The following MEDAG variants were observed in gnomAD, a reference collection of about 807,000 sequenced individuals.
The protein encoded by MEDAG is mesenteric estrogen dependent adipogenesis.
MEDAG carries 25 observed loss-of-function variants against 29.9 expected under a neutral mutation model. The observed-to-expected ratio is 0.84, with a 90% CI of 0.61 to 1.17. MEDAG has a LOEUF of 1.17. MEDAG is among the 50% of genes most tolerant of loss of function. The probability of loss-of-function intolerance (pLI) is 0.00; values close to 1 mark genes in which losing one functional copy is unlikely to be tolerated. For missense variants in MEDAG, 398 were observed against 372.9 expected (o/e 1.07, Z -0.56); for synonymous variants, 158 against 148.2 (o/e 1.07, Z -0.48).
At chr13:30,920,985 G>T in intron 2 of MEDAG, 29 bp from the exon 3 acceptor site, 1 of 1,578,398 alleles carries the variant, frequency 6.3e-7, no homozygotes, top group Non-Finnish European at 8.7e-7. Flanking sequence ...GGACACACTT[G>T]TTTCTGAATT....
intron 2 of MEDAG, among the ~76,000 whole-genome samples, chr13:30,919,130 T>C (rs561718510): frequency 3.8e-4 from 58 of 152,194 alleles, no homozygotes; most frequent in Non-Finnish European, 6.3e-4. Flanking sequence ...CATGCTATAA[T>C]GTGATGAATT....
chr13:30,907,699 C>A (rs548542396), intron 1 of MEDAG, among the ~76,000 whole-genome samples: 10 of 152,344 alleles, frequency 6.6e-5, no homozygotes, highest in African/African-American at 2.4e-4. Flanking sequence ...AAGAGGCAAG[C>A]ATGGTCTAGA....
At position 30,921,157 on chromosome 13, in the gene MEDAG, T is replaced by C. The variant is rs372872749; in HGVS notation, c.501+31T>C. On this transcript the variant is annotated intron_variant, in intron 3 of 4. Coordinates refer to ENST00000380482, the MANE Select transcript of MEDAG (RefSeq NM_032849.4). ...CCTAGCCTGTCTGAATCCAGGGCTG[T>C]CAACCACATGGAAGGAGCTTGTGCA... 9.6e-6 allele frequency: 15 copies of C among 1,567,068 alleles called. No homozygotes were observed. In the African/African-American group the frequency reaches 1.8e-4, roughly 18 times the overall value.
intron 3 of MEDAG, 109 bp downstream of exon 3, chr13:30,921,235 C>G: frequency 3.4e-6 from 3 of 880,174 alleles, no homozygotes; most frequent in South Asian, 3.5e-5. Flanking sequence ...AGAGAATGGC[C>G]CTTAGAAAAC....
rs143223687 is a variant in MEDAG, at chr13:30,924,945, A to T, written c.*510A>T. ...TCTCTTGCCAACCTGGCTGGGCAAA[A>T]GCCTGTGCCATCTTTCACTGGGAGG... On this transcript the variant is annotated 3_prime_UTR_variant, in exon 5 of 5. Coordinates refer to ENST00000380482, the MANE Select transcript of MEDAG (RefSeq NM_032849.4). 2.0e-5 allele frequency: 3 copies of T among 152,386 alleles called. No individual in the cohort carries two copies. Among genetic ancestry groups the T allele is most frequent in the African/African-American group, 7.2e-5 (3 of 41,564 alleles). 9.4% of individuals were successfully genotyped at this position (152,386 alleles called of 1,614,324 possible). A position where few individuals can be genotyped will look rare whatever the true frequency, so the allele number is the denominator to read the frequency against.
chr13:30,916,704 G>A (rs1952932844), intron 1 of MEDAG: 2 of 152,386 alleles, frequency 1.3e-5, no homozygotes, highest in South Asian at 4.1e-4. Context: ...TAGCTAGGCT[G>A]CTTGGAAGAT....
At chr13:30,919,856 C>T (rs568957871) in intron 2 of MEDAG, among the ~76,000 whole-genome samples, 7 of 152,150 alleles carry the variant, frequency 4.6e-5, no homozygotes, top group East Asian at 1.9e-4. Flanking sequence ...GAGCTTGATG[C>T]GGGGGACTGG....
In MEDAG at chr13:30,906,572, T is replaced by G; in HGVS notation, c.57T>G (p.Ser19=). 6.3e-7 allele frequency: 1 copy of G among 1,582,762 alleles called. No individual in the cohort carries two copies. The highest frequency in any genetic ancestry group is 8.5e-7 in the Non-Finnish European group (1 of 1,173,622). ...VARPSLTSIS[S]GELRSLWTCD... Reference sequence around the variant, plus strand: ...GGCCGAGCCTGACCTCCATCTCGTCTGGGGAGCTTCGCAGCCTGTGGACCT... The same window carrying G: ...GGCCGAGCCTGACCTCCATCTCGTCGGGGGAGCTTCGCAGCCTGTGGACCT... The change falls in exon 1 of 5, where the codon TCT becomes TCG. Residue 19 remains serine (S), a synonymous_variant. Coordinates refer to ENST00000380482, the MANE Select transcript of MEDAG (RefSeq NM_032849.4).
At chr13:30,910,129 A>G (rs1260180477) in intron 1 of MEDAG, among the ~76,000 whole-genome samples, 1 of 152,048 alleles carries the variant, frequency 6.6e-6, no homozygotes, top group Non-Finnish European at 1.5e-5. Context: ...GGTAATGGTC[A>G]TTCAGGGAGC....
At position 30,921,832 on chromosome 13, in the gene MEDAG, G is replaced by T. The variant is rs181484496; in HGVS notation, c.773G>T (p.Ser258Ile). ...RRSSFSDRKFSVTSRGSIDDV... is the reference protein window; with the variant it reads ...RRSSFSDRKFIVTSRGSIDDV... ...AGCAGTTTCTCTGACCGAAAGTTCA[G>T]TGTAACTTCCAGAGGTATGTTAAAA... The change falls in exon 4 of 5, where the codon AGT (serine) becomes ATT (isoleucine). Residue 258 changes from serine (S) to isoleucine (I), a missense_variant. By Grantham distance (142) the Ser-to-Ile change is moderately radical. Transcript: ENST00000380482. The T allele has an allele frequency of 6.2e-7, 1 of 1,606,492 alleles. No homozygotes were observed. Among genetic ancestry groups the T allele is most frequent in the Non-Finnish European group, 8.5e-7 (1 of 1,177,432 alleles).
intron 2 of MEDAG, among the ~76,000 whole-genome samples, chr13:30,918,352 G>A (rs1241525558): frequency 6.6e-6 from 1 of 152,130 alleles, no homozygotes; most frequent in East Asian, 1.9e-4. Flanking sequence ...AAACTGACCC[G>A]GGCAAACTAG....
chr13:30,913,541 C>A (rs1952900422), intron 1 of MEDAG, among the ~76,000 whole-genome samples: 1 of 152,060 alleles, frequency 6.6e-6, no homozygotes, highest in African/African-American at 2.4e-5. Context: ...CTTTGCCCTG[C>A]CTTTTAATCT....
At chr13:30,921,192 G>A in intron 3 of MEDAG, 66 bp downstream of exon 3, 1 of 1,358,532 alleles carries the variant, frequency 7.4e-7, no homozygotes, top group South Asian at 1.2e-5. Context: ...ATTTCATGCA[G>A]GAACTGAGGC....
Position 30,918,256 on chromosome 13 carries a change from C to A in MEDAG, c.388+744C>A, listed in dbSNP as rs544199516. Among the ~76,000 whole-genome samples, 3 of 152,266 alleles carry A rather than the reference C, an allele frequency of 2.0e-5. No individual in the cohort carries two copies. In the East Asian group the frequency reaches 5.8e-4, roughly 29 times the overall value. ...GAAGTGCTCTAATGTAATGGATCACCACAACAACTTTGTAGGGCTTATCAA... is the reference window on the plus strand; with the variant it reads ...GAAGTGCTCTAATGTAATGGATCACAACAACAACTTTGTAGGGCTTATCAA... On this transcript the variant is annotated intron_variant, in intron 2 of 4. Coordinates refer to ENST00000380482, the MANE Select transcript of MEDAG (RefSeq NM_032849.4).
intron 4 of MEDAG, 152 bp from the exon 5 acceptor site, chr13:30,924,159 A>G: frequency 2.6e-6 from 2 of 783,296 alleles, no homozygotes; most frequent in Non-Finnish European, 3.9e-6. Flanking sequence ...AAAAAGCAAC[A>G]CATTTCTGTT....
chr13:30,918,887 G>T (rs1593509451), intron 2 of MEDAG, among the ~76,000 whole-genome samples: 1 of 152,126 alleles, frequency 6.6e-6, no homozygotes, highest in Non-Finnish European at 1.5e-5. Flanking sequence ...GTGTTCTTTG[G>T]CTTGATTATA....
At chr13:30,909,330 G>A (rs1451505454) in intron 1 of MEDAG, among the ~76,000 whole-genome samples, 1 of 152,006 alleles carries the variant, frequency 6.6e-6, no homozygotes, top group East Asian at 1.9e-4. Context: ...ACTTTGCCTT[G>A]TCTATCATCT....
At chr13:30,919,152 A>G (rs1288989772) in intron 2 of MEDAG, among the ~76,000 whole-genome samples, 1 of 151,104 alleles carries the variant, frequency 6.6e-6, no homozygotes, top group Non-Finnish European at 1.5e-5. Flanking sequence ...CCACAACAGA[A>G]ATCCAGAAAC....
rs1031745365 is a variant in MEDAG at position 30,906,460 on chromosome 13, C to G, written c.-56C>G. ...CCTCCTGGGGACCATCAGGTGCCGG[C>G]TGGGGGCTGTAGGCACCGGACGGAA... On this transcript the variant is annotated 5_prime_UTR_variant, in exon 1 of 5. Coordinates refer to ENST00000380482, the MANE Select transcript of MEDAG (RefSeq NM_032849.4). 7.1e-7 allele frequency: 1 copy of G among 1,404,822 alleles called. No homozygotes were observed. The highest frequency in any genetic ancestry group is 1.5e-5 in the African/African-American group (1 of 67,050). The allele number at this position is 1,404,822 out of a possible 1,614,324, so 87.0% of individuals were successfully genotyped here.
Sources: gnomAD v4.1 joint callset for allele counts (sites outside exome capture counted in the v4.1 genomes callset) on GRCh38, gnomAD v4.1.1 for gene constraint, MANE v1.5 for transcripts, NCBI Gene and HGNC (gene_info 2026-07-23, HGNC 2026-07-21) for gene names.